HSDL2: variants seen among roughly 807,000 people sequenced by gnomAD.
HSDL2 encodes the protein hydroxysteroid dehydrogenase like 2, also known as hydroxysteroid dehydrogenase-like protein 2.
A neutral mutation model predicts 46.3 loss-of-function variants in HSDL2; 27 were observed. The ratio of observed to expected loss-of-function variants is 0.58; its 90% CI spans 0.43 to 0.80. The LOEUF (loss-of-function observed/expected upper bound fraction) is 0.80. Ranked by LOEUF, HSDL2 falls within the 30% of genes least tolerant of loss-of-function variation. The pLI, the probability that HSDL2 is intolerant of heterozygous loss-of-function variation, is 0.00. For synonymous variants in HSDL2, 153 were observed against 163.6 expected (o/e 0.94, Z 0.50); for missense variants, 451 against 502.7 (o/e 0.90, Z 0.98).
chr9:112,384,119 CA>C (rs1257478977), intron 1 of HSDL2, among the ~76,000 whole-genome samples: 2 of 151,962 alleles, frequency 1.3e-5, no homozygotes, highest in African/African-American at 2.4e-5. Flanking sequence ...TTTATTTTTC[CA>C]AATGAAGTTT....
intron 1 of HSDL2, among the ~76,000 whole-genome samples, chr9:112,385,193 T>C (rs2132589097): frequency 6.6e-6 from 1 of 152,288 alleles, no homozygotes; most frequent in South Asian, 2.1e-4. Context: ...GTTTTTCACA[T>C]ACATAGAGTG....
intron 1 of HSDL2, among the ~76,000 whole-genome samples, chr9:112,381,964 A>G (rs1157398383): frequency 1.3e-5 from 2 of 152,166 alleles, no homozygotes; most frequent in Non-Finnish European, 2.9e-5. Flanking sequence ...GTGGCTGGGC[A>G]CAGTGGCTCA....
intron 1 of HSDL2, among the ~76,000 whole-genome samples, chr9:112,394,821 T>C (rs1282862681): frequency 1.3e-4 from 20 of 152,152 alleles, no homozygotes; most frequent in Admixed American, 6.5e-4. Flanking sequence ...TGCAGTGCCT[T>C]CTTCTCCTGG....
chr9:112,422,636 C>T lies in HSDL2; in HGVS notation c.598+3678C>T, dbSNP rs118079191. On this transcript the variant is annotated intron_variant, in intron 6 of 10. Transcript: ENST00000398805. The stretch of plus-strand genomic sequence containing the variant: ...ATCCGGGGAACTTCACATGCAAATA[C>T]CAGGAGTCCCAGAAGGAGGTCTGGA... Among the ~76,000 whole-genome samples the T allele has an allele frequency of 3.1e-3, 468 of 152,052 alleles. 2 individuals are homozygous for T. Among genetic ancestry groups the T allele is most frequent in the Non-Finnish European group, 5.3e-3 (359 of 67,986 alleles).
intron 1 of HSDL2, among the ~76,000 whole-genome samples, chr9:112,399,034 C>T (rs1394308200): frequency 6.6e-6 from 1 of 151,044 alleles, no homozygotes; most frequent in Admixed American, 6.6e-5. Context: ...TATGCACGTA[C>T]CAAAAGGAAT....
chr9:112,380,736 C>T (rs1831067862), intron 1 of HSDL2, among the ~76,000 whole-genome samples: 1 of 151,848 alleles, frequency 6.6e-6, no homozygotes, highest in Non-Finnish European at 1.5e-5. Context: ...TTTAAGTGTA[C>T]ACTTCAGTAG....
At chr9:112,398,339 G>A (rs1209171439) in intron 1 of HSDL2, among the ~76,000 whole-genome samples, 5 of 151,900 alleles carry the variant, frequency 3.3e-5, no homozygotes, top group East Asian at 3.9e-4. Flanking sequence ...GTTTGGTTCC[G>A]GAGCCATCAG....
At chr9:112,409,532 T>C (rs955551779) in intron 4 of HSDL2, among the ~76,000 whole-genome samples, 1 of 152,072 alleles carries the variant, frequency 6.6e-6, no homozygotes, top group African/African-American at 2.4e-5. Context: ...TCCTTTTCTC[T>C]ATGAATTTAG....
chr9:112,465,979 G>T (rs567312508), intron 10 of HSDL2, among the ~76,000 whole-genome samples: 7 of 152,198 alleles, frequency 4.6e-5, no homozygotes, highest in African/African-American at 1.7e-4. Context: ...TTTCATAGTG[G>T]CTGCATCATT....
intron 6 of HSDL2, among the ~76,000 whole-genome samples, chr9:112,422,414 T>C (rs751645202): frequency 2.6e-5 from 4 of 152,056 alleles, no homozygotes; most frequent in Admixed American, 1.3e-4. Context: ...ACATAAGAGA[T>C]TGAAATATAA....
chr9:112,394,309 G>T (rs897412597), intron 1 of HSDL2, among the ~76,000 whole-genome samples: 1 of 152,000 alleles, frequency 6.6e-6, no homozygotes, highest in South Asian at 2.1e-4. Context: ...CAGGGCTGGG[G>T]TGGGCGGGTA....
At chr9:112,415,043 A>G (rs1033387054) in intron 4 of HSDL2, among the ~76,000 whole-genome samples, 4 of 152,188 alleles carry the variant, frequency 2.6e-5, no homozygotes, top group Non-Finnish European at 5.9e-5. Flanking sequence ...TAGCTAAAAT[A>G]AAGCTATAAA....
intron 6 of HSDL2, among the ~76,000 whole-genome samples, chr9:112,421,326 C>G (rs1264830545): frequency 6.6e-6 from 1 of 152,124 alleles, no homozygotes; most frequent in African/African-American, 2.4e-5. Flanking sequence ...GAGTGAGATC[C>G]TGTCTCAAAA....
intron 1 of HSDL2, among the ~76,000 whole-genome samples, chr9:112,399,138 T>A (rs531521720): frequency 1.3e-5 from 2 of 152,204 alleles, no homozygotes; most frequent in South Asian, 4.1e-4. Context: ...CTTTCTATTT[T>A]CTGTGTCAGC....
chr9:112,413,212 C>T (rs577633452), intron 4 of HSDL2, among the ~76,000 whole-genome samples: 1 of 152,146 alleles, frequency 6.6e-6, no homozygotes, highest in Non-Finnish European at 1.5e-5. Flanking sequence ...GGTGTGGTGG[C>T]TCACGCCTGT....
chr9:112,462,780 C>T (rs565086390), intron 10 of HSDL2, among the ~76,000 whole-genome samples: 1 of 152,292 alleles, frequency 6.6e-6, no homozygotes, highest in African/African-American at 2.4e-5. Context: ...GCCATAACTA[C>T]AGTCCAGTCT....
chr9:112,415,221 G>C (rs556661338), intron 4 of HSDL2, among the ~76,000 whole-genome samples: 2 of 152,008 alleles, frequency 1.3e-5, no homozygotes, highest in African/African-American at 2.4e-5. Flanking sequence ...AATTAAATTT[G>C]GGAATGTAAT....
intron 10 of HSDL2, among the ~76,000 whole-genome samples, chr9:112,465,424 C>A (rs1417007186): frequency 6.6e-6 from 1 of 152,126 alleles, no homozygotes; most frequent in Non-Finnish European, 1.5e-5. Flanking sequence ...CCACCAGGCC[C>A]GGCCGCAATT....
chr9:112,459,001 G>C (rs1833122356), intron 9 of HSDL2, among the ~76,000 whole-genome samples: 1 of 12,936 alleles, frequency 7.7e-5, no homozygotes, highest in Non-Finnish European at 1.3e-4. Context: ...AAAAGAAAAA[G>C]AAAACAAAAA....
Sources: allele counts gnomAD v4.1 joint callset (sites outside exome capture counted in the v4.1 genomes callset), GRCh38; gene constraint gnomAD v4.1.1; transcripts MANE v1.5; gene names NCBI Gene and HGNC (gene_info 2026-07-23, HGNC 2026-07-21).